The following MRTFB variants were observed in gnomAD, a reference collection of about 807,000 sequenced individuals.
MRTFB encodes myocardin-related transcription factor B.
A neutral mutation model predicts 104.2 loss-of-function variants in MRTFB; 29 were observed. The observed-to-expected ratio is 0.28, with a 90% CI of 0.21 to 0.38. The LOEUF (loss-of-function observed/expected upper bound fraction) is 0.38. MRTFB is among the 10% of genes least tolerant of loss of function. MRTFB has a pLI of 1.00. For synonymous variants in MRTFB, 535 were observed against 519.5 expected (o/e 1.03, Z -0.41); for missense variants, 1,270 against 1,341.6 (o/e 0.95, Z 0.83).
intron 2 of MRTFB, among the ~76,000 whole-genome samples, chr16:14,117,716 T>C (rs760761018): frequency 2.6e-5 from 4 of 151,966 alleles, no homozygotes; most frequent in Non-Finnish European, 5.9e-5. Flanking sequence ...ACCAAAGGGA[T>C]AGGAAAGTGC....
the MRTFB span, among the ~76,000 whole-genome samples, chr16:14,063,540 G>T: frequency 6.6e-6 from 1 of 152,070 alleles, no homozygotes; most frequent in Non-Finnish European, 1.5e-5. Flanking sequence ...AGTGTCTATT[G>T]TTCCCTTCTT....
the MRTFB span, among the ~76,000 whole-genome samples, chr16:14,064,634 T>C: frequency 1.9e-3 from 291 of 152,366 alleles, 3 homozygotes; most frequent in Admixed American, 0.016. Context: ...TTGATTTTTG[T>C]ACATGGTGTA....
chr16:14,167,247 C>G (rs1288677633), intron 3 of MRTFB, among the ~76,000 whole-genome samples: 2 of 152,162 alleles, frequency 1.3e-5, no homozygotes, highest in African/African-American at 4.8e-5. Context: ...TTGCATTTCT[C>G]TAATGATCAG....
intron 15 of MRTFB, 76 bp downstream of exon 15, chr16:14,252,578 G>A (rs911845927): frequency 2.0e-6 from 3 of 1,476,400 alleles, no homozygotes; most frequent in Non-Finnish European, 2.7e-6. Flanking sequence ...GACCTATACA[G>A]AATCCCTTGT....
intron 3 of MRTFB, among the ~76,000 whole-genome samples, chr16:14,145,451 A>G (rs2038262406): frequency 6.6e-6 from 1 of 152,228 alleles, no homozygotes; most frequent in Non-Finnish European, 1.5e-5. Context: ...ACGTTTAATG[A>G]TTCCAGGATC....
At chr16:14,238,503 T>A (rs1180383316) in intron 9 of MRTFB, among the ~76,000 whole-genome samples, 3 of 151,972 alleles carry the variant, frequency 2.0e-5, no homozygotes, top group Admixed American at 2.0e-4. Context: ...GTATCAGAGA[T>A]TGGGATGCTG....
At chr16:14,050,475 C>T in the MRTFB span, among the ~76,000 whole-genome samples, 5 of 152,244 alleles carry the variant, frequency 3.3e-5, no homozygotes, top group South Asian at 2.1e-4. Flanking sequence ...GCAATTCTCC[C>T]ATCTCCCTTG....
At chr16:14,231,312 TAAAA>T (rs1567195360) in intron 8 of MRTFB, among the ~76,000 whole-genome samples, 1 of 145,140 alleles carries the variant, frequency 6.9e-6, no homozygotes, top group African/African-American at 2.7e-5. Context: ...AAAAATAAAT[TAAAA>T]AAAGATTCTG....
At chr16:14,034,716 A>G in the MRTFB span, among the ~76,000 whole-genome samples, 2 of 151,916 alleles carry the variant, frequency 1.3e-5, no homozygotes, top group Admixed American at 6.6e-5. Context: ...CCAAAACACC[A>G]GTATTATTGG....
At chr16:14,233,828 A>G (rs1873421356) in intron 8 of MRTFB, among the ~76,000 whole-genome samples, 1 of 143,256 alleles carries the variant, frequency 7.0e-6, no homozygotes, top group African/African-American at 2.9e-5. Flanking sequence ...TGTTTTGATC[A>G]TATATACAAG....
the MRTFB span, among the ~76,000 whole-genome samples, chr16:14,063,755 G>T: frequency 6.6e-6 from 1 of 152,188 alleles, no homozygotes; most frequent in Non-Finnish European, 1.5e-5. Context: ...AACAGCTGTC[G>T]TACCTGTAGC....
chr16:13,997,809 A>G, the MRTFB span, among the ~76,000 whole-genome samples: 38 of 151,930 alleles, frequency 2.5e-4, no homozygotes, highest in Non-Finnish European at 4.6e-4. Context: ...AAAAAAAAAA[A>G]AAAGAATTTT....
chr16:14,177,775 A>T lies in MRTFB; in HGVS notation c.155-32468A>T, dbSNP rs1239016226. ...GAGGTCGAGGCTGCAGCGAGTAATA[A>T]TTGCACCACTGTACTCCAGCCTGGA... On this transcript the variant is annotated intron_variant, in intron 3 of 16. Transcript: ENST00000571589. The surrounding 1 kb of genome is among the most constrained non-coding windows in gnomAD (Gnocchi z 4.7). 2.0e-5 allele frequency among the ~76,000 whole-genome samples: 3 copies of T among 152,130 alleles called. No individual in the cohort carries two copies. Among genetic ancestry groups the T allele is most frequent in the African/African-American group, 7.2e-5 (3 of 41,420 alleles).
intron 13 of MRTFB, among the ~76,000 whole-genome samples, chr16:14,251,167 G>A (rs1434711297): frequency 1.3e-5 from 2 of 152,118 alleles, no homozygotes; most frequent in Non-Finnish European, 2.9e-5. Context: ...ACGAGGTCAG[G>A]AGATTGAGAC....
At chr16:14,200,335 G>A in intron 3 of MRTFB, 1 of 1,607,550 alleles carries the variant, frequency 6.2e-7, no homozygotes, top group Admixed American at 1.7e-5. Flanking sequence ...GCTCCCGGAA[G>A]TAAGGCTGGC....
At chr16:14,118,856 A>G (rs1224053559) in intron 2 of MRTFB, among the ~76,000 whole-genome samples, 1 of 151,952 alleles carries the variant, frequency 6.6e-6, no homozygotes, top group Non-Finnish European at 1.5e-5. Flanking sequence ...CTGTGTATAT[A>G]TTTCTGTGGC....
intron 3 of MRTFB, among the ~76,000 whole-genome samples, chr16:14,208,064 G>T (rs1486693189): frequency 3.3e-5 from 5 of 152,328 alleles, no homozygotes; most frequent in African/African-American, 1.2e-4. Context: ...CACACATCTG[G>T]TGTCAGAAGT....
Position 14,223,319 on chromosome 16 carries a change from A to G in MRTFB, c.693+4321A>G, listed in dbSNP as rs1286025769. On this transcript the variant is annotated intron_variant, in intron 8 of 16. Coordinates refer to ENST00000571589, the MANE Select transcript of MRTFB (RefSeq NM_001308142.2). The stretch of plus-strand genomic sequence containing the variant: ...AGCGAGACCCTACACACACCCCCAC[A>G]AAAAAGAAAAAGAAAAATATGACCA... 3.3e-5 allele frequency among the ~76,000 whole-genome samples: 5 copies of G among 152,114 alleles called. No individual in the cohort carries two copies. In the South Asian group the frequency reaches 1.0e-3, roughly 32 times the overall value.
chr16:14,218,748 T>G, intron 7 of MRTFB, 72 bp from the exon 8 acceptor site: 1 of 1,439,524 alleles, frequency 6.9e-7, no homozygotes, highest in Non-Finnish European at 9.4e-7. Context: ...GAAACAATGT[T>G]TTCCTCCTTC....
Sources: gnomAD v4.1 joint callset for allele counts (sites outside exome capture counted in the v4.1 genomes callset) on GRCh38, gnomAD v4.1.1 for gene constraint, Gnocchi (gnomAD v3.1) non-coding constraint, MANE v1.5 for transcripts, NCBI Gene and HGNC (gene_info 2026-07-23, HGNC 2026-07-21) for gene names.